The following CSMD3 variants were observed in gnomAD, a reference collection of about 807,000 sequenced individuals.
CSMD3 encodes the protein CUB and sushi domain-containing protein 3.
In CSMD3, 177 loss-of-function variants were observed where a neutral mutation model predicts 435.2. The ratio of observed to expected loss-of-function variants is 0.41; its 90% confidence interval spans 0.36 to 0.46. The LOEUF (loss-of-function observed/expected upper bound fraction) is 0.46. Ranked by LOEUF, CSMD3 falls within the 20% of genes least tolerant of loss-of-function variation. The pLI, the probability that CSMD3 is intolerant of heterozygous loss-of-function variation, is 0.34. For missense variants in CSMD3, 4,265 were observed against 4,504.6 expected, an observed-to-expected ratio of 0.95 and a Z score of 1.52; for synonymous variants, 1,656 against 1,520.5, an observed-to-expected ratio of 1.09 and a Z score of -2.07.
At chr8:113,337,970 A>G (rs535007040) in intron 1 of CSMD3, among the ~76,000 whole-genome samples, 58 of 152,144 alleles carry the variant, frequency 3.8e-4, no homozygotes, top group Middle Eastern at 6.8e-3. Flanking sequence ...TTTATTTTCA[A>G]TAAATAACAA....
chr8:113,003,072 A>G (rs1468221916), intron 6 of CSMD3, among the ~76,000 whole-genome samples: 2 of 151,926 alleles, frequency 1.3e-5, no homozygotes, highest in African/African-American at 2.4e-5. Flanking sequence ...AAACCCCAAC[A>G]TTTCTACTAA....
intron 56 of CSMD3, among the ~76,000 whole-genome samples, chr8:112,290,200 A>G (rs1002811025): frequency 1.3e-5 from 2 of 152,122 alleles, no homozygotes; most frequent in African/African-American, 4.8e-5. Flanking sequence ...AGGTAGTTTC[A>G]GAATTTAACA....
chr8:113,145,005 C>G (rs1239800922), intron 4 of CSMD3, among the ~76,000 whole-genome samples: 3 of 151,356 alleles, frequency 2.0e-5, no homozygotes, highest in African/African-American at 7.3e-5. Context: ...TAATAGAGCC[C>G]TGAGGGGCAA....
intron 9 of CSMD3, among the ~76,000 whole-genome samples, chr8:112,930,899 T>C (rs1359167251): frequency 1.3e-5 from 2 of 152,130 alleles, no homozygotes; most frequent in Non-Finnish European, 2.9e-5. Flanking sequence ...ATGGAGGTGC[T>C]GACAAGGAAT....
At chr8:112,717,223 GA>G (rs964287150) in intron 13 of CSMD3, among the ~76,000 whole-genome samples, 43 of 145,002 alleles carry the variant, frequency 3.0e-4, no homozygotes, top group East Asian at 2.0e-4. Context: ...AAATTTATCA[GA>G]AAAAAAAAAC....
intron 22 of CSMD3, among the ~76,000 whole-genome samples, chr8:112,602,091 A>G (rs1269597311): frequency 2.0e-5 from 3 of 152,200 alleles, no homozygotes; most frequent in Non-Finnish European, 4.4e-5. Context: ...ATGAAATGAT[A>G]AGGAAGCAAA....
intron 54 of CSMD3, among the ~76,000 whole-genome samples, chr8:112,292,931 T>G (rs1819916634): frequency 6.6e-6 from 1 of 152,180 alleles, no homozygotes; most frequent in Non-Finnish European, 1.5e-5. Flanking sequence ...TAGAAAATTA[T>G]TTAAAATTGT....
intron 22 of CSMD3, among the ~76,000 whole-genome samples, chr8:112,627,432 C>T (rs1484833957): frequency 6.6e-6 from 1 of 152,050 alleles, no homozygotes; most frequent in African/African-American, 2.4e-5. Context: ...CTTGCAATTG[C>T]TTCTAGGACA....
intron 10 of CSMD3, among the ~76,000 whole-genome samples, chr8:112,880,308 T>C (rs912236115): frequency 6.6e-6 from 1 of 152,040 alleles, no homozygotes; most frequent in East Asian, 1.9e-4. Flanking sequence ...AATGTTTCAA[T>C]GCAAAAAGAA....
chr8:113,042,285 A>G (rs2087655190), intron 5 of CSMD3, among the ~76,000 whole-genome samples: 1 of 152,186 alleles, frequency 6.6e-6, no homozygotes, highest in Non-Finnish European at 1.5e-5. Context: ...AAACTAGTAT[A>G]GTAGAATCAC....
chr8:112,877,848 G>T (rs1564057361), intron 10 of CSMD3, among the ~76,000 whole-genome samples: 1 of 152,034 alleles, frequency 6.6e-6, no homozygotes. Flanking sequence ...ATGGTGTTGG[G>T]GAAACTGGCT....
intron 16 of CSMD3, among the ~76,000 whole-genome samples, chr8:112,681,697 C>T (rs945264751): frequency 2.0e-5 from 3 of 151,894 alleles, no homozygotes; most frequent in Non-Finnish European, 4.4e-5. Flanking sequence ...AAAACCGTGT[C>T]TCTACTAAAA....
chr8:113,393,321 T>C (rs1225851336), intron 1 of CSMD3, among the ~76,000 whole-genome samples: 2 of 152,030 alleles, frequency 1.3e-5, no homozygotes, highest in Non-Finnish European at 2.9e-5. Flanking sequence ...AAGAAGCCAT[T>C]GAGGCTCAAA....
chr8:113,022,984 T>C (rs1444434720), intron 5 of CSMD3, among the ~76,000 whole-genome samples: 3 of 152,200 alleles, frequency 2.0e-5, no homozygotes, highest in African/African-American at 4.8e-5. Flanking sequence ...TTAGAGAATG[T>C]AATTATAATC....
chr8:112,758,010 C>T (rs1563931653), intron 13 of CSMD3, among the ~76,000 whole-genome samples: 2 of 152,050 alleles, frequency 1.3e-5, no homozygotes, highest in African/African-American at 2.4e-5. Flanking sequence ...GAGCCGTGAT[C>T]AGGCAATTGC....
chr8:113,289,963 CACA>C (rs1378766995), intron 2 of CSMD3, among the ~76,000 whole-genome samples: 1 of 151,602 alleles, frequency 6.6e-6, no homozygotes, highest in Admixed American at 6.6e-5. Flanking sequence ...ATGAAATTTA[CACA>C]ACTTTTATTA....
At position 112,318,260 on chromosome 8, in the gene CSMD3, C is replaced by T. The variant is rs74720673; in HGVS notation, c.7360+577G>A. Among the ~76,000 whole-genome samples, 674 of 152,072 alleles carry T rather than the reference C, an allele frequency of 4.4e-3. 6 individuals carry two copies. The highest frequency in any genetic ancestry group is 0.016 in the African/African-American group (648 of 41,518). Reference sequence around the variant, plus strand: ...CAATGCTTCCATCAAGCTTTCCCTACCCCACAACCGGTTAAAAATTATATG... The same window carrying T: ...CAATGCTTCCATCAAGCTTTCCCTATCCCACAACCGGTTAAAAATTATATG... On this transcript the variant is annotated intron_variant, in intron 47 of 70. Transcript: ENST00000297405.
intron 9 of CSMD3, among the ~76,000 whole-genome samples, chr8:112,941,141 C>A (rs2083439405): frequency 6.6e-6 from 1 of 151,804 alleles, no homozygotes; most frequent in Non-Finnish European, 1.5e-5. Flanking sequence ...TTTGAGTGAG[C>A]ACTTGAAGAA....
At chr8:113,307,280 A>T (rs1348902465) in intron 2 of CSMD3, among the ~76,000 whole-genome samples, 3 of 152,148 alleles carry the variant, frequency 2.0e-5, no homozygotes, top group Non-Finnish European at 4.4e-5. Context: ...GCTAGGACAC[A>T]TAATTTATTA....
Sources: gnomAD v4.1 joint callset for allele counts (sites outside exome capture counted in the v4.1 genomes callset) on GRCh38, gnomAD v4.1.1 for gene constraint, MANE v1.5 for transcripts, NCBI Gene and HGNC (gene_info 2026-07-23, HGNC 2026-07-21) for gene names.